Variants in ACSS1 observed in about 807,000 individuals in gnomAD.
ACSS1 encodes acyl-CoA synthetase short chain family member 1.
ACSS1 carries 42 observed loss-of-function variants against 75.3 expected under a neutral mutation model. The observed-to-expected ratio is 0.56, with a 90% CI of 0.44 to 0.72. The LOEUF (loss-of-function observed/expected upper bound fraction) is 0.72, where lower values mean the gene tolerates loss of function less well. Among genes scored for constraint, ACSS1 ranks in the 30% least tolerant of loss-of-function variants. ACSS1 has a pLI of 0.00. For missense variants in ACSS1, 782 were observed against 935.7 expected, an observed-to-expected ratio of 0.84 and a Z score of 2.14; for synonymous variants, 380 against 376.8, an observed-to-expected ratio of 1.01 and a Z score of -0.10.
intron 1 of ACSS1, among the ~76,000 whole-genome samples, chr20:25,054,324 A>G (rs2089213901): frequency 1.3e-5 from 2 of 152,254 alleles, no homozygotes; most frequent in South Asian, 4.1e-4. Context: ...CCGAAGGCCA[A>G]GCACAAGGTC....
chr20:25,034,614 G>C (rs968334862), intron 2 of ACSS1, among the ~76,000 whole-genome samples: 1 of 151,916 alleles, frequency 6.6e-6, no homozygotes, highest in Non-Finnish European at 1.5e-5. Context: ...TGTTGCCCAG[G>C]CTGGAGTGCA....
In ACSS1 at chr20:25,013,622, C is replaced by A. The variant is rs767082332; in HGVS notation, c.1493G>T (p.Cys498Phe). ...VEGSNVSGAL[C>F]ISQAWPGMAR... ...CATGCCCGGCCAGGCCTGGGAGATG[C>A]ACAGGGCCCCGGAGACGTTGCTGCC... Residue 498 changes from cysteine (C) to phenylalanine (F), a missense_variant, in exon 10 of 14, where the codon TGC becomes TTC. By Grantham distance (205) the Cys-to-Phe change is radical. Coordinates refer to ENST00000323482, the MANE Select transcript of ACSS1 (RefSeq NM_032501.4). 1.2e-6 allele frequency: 2 copies of A among 1,609,248 alleles called. No individual in the cohort carries two copies. The highest frequency in any genetic ancestry group is 3.3e-5 in the Admixed American group (2 of 59,904).
intron 7 of ACSS1, among the ~76,000 whole-genome samples, chr20:25,016,318 T>C (rs2088515389): frequency 6.6e-6 from 1 of 152,238 alleles, no homozygotes; most frequent in Non-Finnish European, 1.5e-5. Context: ...TAGGAATTTC[T>C]GTAGCACTTA....
rs558422998 is a variant in ACSS1, at chr20:25,053,340, C to T, written c.334+4429G>A. 8.9e-4 allele frequency among the ~76,000 whole-genome samples: 136 copies of T among 152,014 alleles called. 2 individuals are homozygous for T. Among genetic ancestry groups the T allele is most frequent in the African/African-American group, 3.2e-3 (132 of 41,444 alleles). On this transcript the variant is annotated intron_variant, in intron 1 of 13. Transcript: ENST00000323482. Reference sequence around the variant, plus strand: ...TCAGCCTCCCAAAGTACTGGGATTCCAGGCATGAGCCACGGCGCCTGGCCC... The same window carrying T: ...TCAGCCTCCCAAAGTACTGGGATTCTAGGCATGAGCCACGGCGCCTGGCCC...
intron 12 of ACSS1, chr20:25,012,231 C>G: frequency 3.2e-6 from 1 of 316,242 alleles, no homozygotes. Context: ...ATGACCAAGC[C>G]CGTGAGGATA....
chr20:25,019,600 C>G (rs1444639293), intron 7 of ACSS1, among the ~76,000 whole-genome samples: 1 of 152,208 alleles, frequency 6.6e-6, no homozygotes, highest in African/African-American at 2.4e-5. Context: ...TTCACTGCAG[C>G]CTGAAACTCC....
At chr20:25,038,255 A>G (rs1195016387) in intron 2 of ACSS1, among the ~76,000 whole-genome samples, 1 of 152,198 alleles carries the variant, frequency 6.6e-6, no homozygotes, top group Admixed American at 6.5e-5. Flanking sequence ...CTGCAAGTTT[A>G]TCACTCAGGA....
intron 7 of ACSS1, among the ~76,000 whole-genome samples, chr20:25,019,139 A>T (rs1275670735): frequency 2.0e-5 from 3 of 152,216 alleles, no homozygotes; most frequent in African/African-American, 4.8e-5. Flanking sequence ...TTCCATGGTC[A>T]CTGCCCTGCA....
Position 25,009,372 on chromosome 20 carries a change from A to C in ACSS1, c.1788T>G (p.Ile596Met), listed in dbSNP as rs1466154165. ...DIKGEAAFAF[I>M]VVKDSAGDSD... is the part of the protein sequence containing the mutation. ...AGTCACCCGCACTATCTTTCACCAC[A>C]ATGAAGGCAAAGGCAGCTGAAAATA... Residue 596 changes from isoleucine (I) to methionine (M), a missense_variant, in exon 13 of 14, where the codon ATT becomes ATG. Ile to Met is a conservative substitution (Grantham distance 10). Transcript: ENST00000323482. 1 of 1,613,988 alleles carries C rather than the reference A, an allele frequency of 6.2e-7. No homozygotes were observed. The highest frequency in any genetic ancestry group is 8.5e-7 in the Non-Finnish European group (1 of 1,179,974).
At chr20:25,023,717 C>T in intron 3 of ACSS1, 76 bp from the exon 4 acceptor site, 1 of 1,385,460 alleles carries the variant, frequency 7.2e-7, no homozygotes, top group Non-Finnish European at 9.8e-7. Context: ...TCACATAGGA[C>T]ATCCAGGCCT....
At chr20:25,032,693 T>C in intron 2 of ACSS1, 1 of 1,186,202 alleles carries the variant, frequency 8.4e-7, no homozygotes, top group Non-Finnish European at 1.0e-6. Flanking sequence ...CAAAGGGTAG[T>C]CAAGGAAAGG....
At chr20:25,021,010 C>A (rs962071683) in intron 6 of ACSS1, among the ~76,000 whole-genome samples, 1 of 152,208 alleles carries the variant, frequency 6.6e-6, no homozygotes, top group Non-Finnish European at 1.5e-5. Context: ...GGCTCAGGGG[C>A]AGGGCTGGGG....
chr20:25,036,870 G>A (rs1011374309), intron 2 of ACSS1, among the ~76,000 whole-genome samples: 7 of 151,338 alleles, frequency 4.6e-5, no homozygotes, highest in Non-Finnish European at 8.8e-5. Context: ...CAGGAGAATC[G>A]CTTGAACCCA....
rs1472429003 is a variant in ACSS1, at chr20:25,019,993, C to T, written c.1246+17G>A. 1 of 1,614,012 alleles carries T rather than the reference C, an allele frequency of 6.2e-7. No homozygotes were observed. On this transcript the variant is annotated intron_variant, in intron 7 of 13. Coordinates refer to ENST00000323482, the MANE Select transcript of ACSS1 (RefSeq NM_032501.4). ...AGGGCAAGCACAACCTCTCCTGCTGCAGGGCAGGCCGCTCACCTGACCCCA... is the reference window on the plus strand; with the variant it reads ...AGGGCAAGCACAACCTCTCCTGCTGTAGGGCAGGCCGCTCACCTGACCCCA...
chr20:25,049,280 T>C (rs1427706162), intron 1 of ACSS1, among the ~76,000 whole-genome samples: 1 of 152,150 alleles, frequency 6.6e-6, no homozygotes, highest in Non-Finnish European at 1.5e-5. Context: ...AACATCTCTG[T>C]GTGTGTTGGG....
chr20:25,007,974 G>T (rs773664742), intron 13 of ACSS1, 33 bp from the exon 14 acceptor site: 1 of 1,608,634 alleles, frequency 6.2e-7, no homozygotes, highest in Non-Finnish European at 8.5e-7. Flanking sequence ...TTAGAGCGTG[G>T]ATGGTGCCCA....
At chr20:25,051,790 C>A (rs2089178968) in intron 1 of ACSS1, among the ~76,000 whole-genome samples, 1 of 152,206 alleles carries the variant, frequency 6.6e-6, no homozygotes, top group African/African-American at 2.4e-5. Flanking sequence ...AAGTCCAGCC[C>A]CTGTCCAGCC....
intron 12 of ACSS1, chr20:25,010,653 G>A (rs61535093): frequency 0.097 from 14,840 of 152,464 alleles, 805 homozygotes; most frequent in Middle Eastern, 0.12. Flanking sequence ...CCACTAGGCT[G>A]TTAGATCTTT....
chr20:25,011,824 C>T (rs1006863376), intron 12 of ACSS1: 7 of 152,284 alleles, frequency 4.6e-5, no homozygotes, highest in African/African-American at 1.7e-4. Flanking sequence ...CACACTGTGA[C>T]ACAGGGTGGC....
Sources: allele counts gnomAD v4.1 joint callset (sites outside exome capture counted in the v4.1 genomes callset), GRCh38; gene constraint gnomAD v4.1.1; transcripts MANE v1.5; gene names NCBI Gene and HGNC (gene_info 2026-07-23, HGNC 2026-07-21).